STS: variants seen among roughly 807,000 people sequenced by gnomAD.
The protein encoded by STS is steryl-sulfatase.
In STS, 7 loss-of-function variants were observed where a neutral mutation model predicts 26.8. That is an observed-to-expected ratio of 0.26 (90% CI 0.15 to 0.49). The LOEUF is 0.49. Among genes scored for constraint, STS ranks in the 20% least tolerant of loss-of-function variants. STS has a pLI of 0.98. For synonymous variants in STS, 199 were observed against 189.4 expected (o/e 1.05, Z -0.42); for missense variants, 434 against 465.6 (o/e 0.93, Z 0.63).
At chrX:7,275,261 A>T (rs1924473308) in intron 6 of STS, among the ~76,000 whole-genome samples, 1 of 111,695 alleles carries the variant, frequency 9.0e-6, no homozygotes, top group Non-Finnish European at 1.9e-5. Flanking sequence ...ACAATGTATT[A>T]TATATTTCAA....
At chrX:7,269,152 GAA>G (rs796221983) in intron 6 of STS, among the ~76,000 whole-genome samples, 2 of 90,734 alleles carry the variant, frequency 2.2e-5, no homozygotes, top group African/African-American at 4.1e-5. Flanking sequence ...CCCTGTCTCT[GAA>G]AAAAAAAAAG....
intron 1 of STS, among the ~76,000 whole-genome samples, chrX:7,173,728 A>G (rs1473030851): frequency 8.9e-6 from 1 of 112,439 alleles, no homozygotes; most frequent in East Asian, 2.8e-4. Context: ...TCCTGGCCAC[A>G]TTAATGTCTT....
intron 2 of STS, among the ~76,000 whole-genome samples, chrX:7,200,310 A>G (rs1467012142): frequency 1.8e-5 from 2 of 111,628 alleles, no homozygotes; most frequent in Middle Eastern, 4.6e-3. Context: ...TAATTCCTTT[A>G]AGAAAATTTT....
intron 4 of STS, 51 bp downstream of exon 4, chrX:7,257,414 C>T (rs756110481): frequency 5.8e-6 from 7 of 1,212,079 alleles, no homozygotes; most frequent in Non-Finnish European, 7.8e-6. Flanking sequence ...GGGACAGTCT[C>T]CCACCTCGAG....
In STS at chrX:7,214,973, TATATATAC is replaced by T. The variant is rs202063726; in HGVS notation, c.-5+23973_-5+23980del. ...TATACGTATATATATATTATATATG[TATATATAC>T]ATATATATACGTATATATACATATA... On this transcript the variant is annotated intron_variant, in intron 2 of 10. Coordinates refer to ENST00000674429, the MANE Select transcript of STS (RefSeq NM_001320752.2). Among the ~76,000 whole-genome samples the T allele has an allele frequency of 2.4e-3, 153 of 63,948 alleles. 1 individual carries two copies. The highest frequency in any genetic ancestry group is 6.3e-3 in the African/African-American group (112 of 17,867). 55.5% of individuals were successfully genotyped at this position (63,948 alleles called of 115,157 possible).
intron 2 of STS, among the ~76,000 whole-genome samples, chrX:7,197,978 T>G (rs1304356099): frequency 8.9e-6 from 1 of 112,341 alleles, no homozygotes; most frequent in Non-Finnish European, 1.9e-5. Flanking sequence ...AATTATATAT[T>G]TTTGGATTTC....
At chrX:7,303,879 C>G (rs771701128) in intron 7 of STS, among the ~76,000 whole-genome samples, 4 of 111,618 alleles carry the variant, frequency 3.6e-5, no homozygotes, top group Non-Finnish European at 5.6e-5. Context: ...AGTTAAACCT[C>G]CATATGCCCT....
chrX:7,309,013 C>G (rs1569220571), intron 8 of STS, among the ~76,000 whole-genome samples: 2 of 109,121 alleles, frequency 1.8e-5, no homozygotes, highest in African/African-American at 6.7e-5. Context: ...GCTATTTGAA[C>G]TTTTTTTTTT....
chrX:7,241,965 C>T (rs1328976938), intron 2 of STS, among the ~76,000 whole-genome samples: 1 of 111,393 alleles, frequency 9.0e-6, no homozygotes, highest in Non-Finnish European at 1.9e-5. Flanking sequence ...GGACACTTCT[C>T]TCTTTTTCTT....
intron 7 of STS, among the ~76,000 whole-genome samples, chrX:7,295,584 T>TATA (rs1925623790): frequency 9.0e-6 from 1 of 111,018 alleles, no homozygotes; most frequent in Non-Finnish European, 1.9e-5. Flanking sequence ...CATCTTATCT[T>TATA]TTTTATTACT....
chrX:7,279,339 ATGTG>A (rs1199607828), intron 7 of STS, among the ~76,000 whole-genome samples: 9 of 42,323 alleles, frequency 2.1e-4, no homozygotes, highest in Non-Finnish European at 3.3e-4. Flanking sequence ...GTGTGTGTGT[ATGTG>A]TGTGTGTGTG....
intron 8 of STS, among the ~76,000 whole-genome samples, chrX:7,317,060 C>G (rs1280313484): frequency 8.9e-6 from 1 of 112,206 alleles, no homozygotes; most frequent in African/African-American, 3.2e-5. Context: ...ACAGCTGTTT[C>G]TAACAAGAGT....
intron 6 of STS, among the ~76,000 whole-genome samples, chrX:7,261,987 T>C (rs1429052360): frequency 8.9e-6 from 1 of 112,357 alleles, no homozygotes; most frequent in East Asian, 2.8e-4. Flanking sequence ...CTGTGAAATA[T>C]ATAAACTGGT....
chrX:7,210,958 C>T (rs1464275930), intron 2 of STS, among the ~76,000 whole-genome samples: 1 of 110,815 alleles, frequency 9.0e-6, no homozygotes, highest in African/African-American at 3.3e-5. Flanking sequence ...AATGAAGCTA[C>T]TTAGCATGTG....
intron 1 of STS, among the ~76,000 whole-genome samples, chrX:7,152,015 C>T (rs1046111074): frequency 1.8e-5 from 2 of 111,239 alleles, no homozygotes; most frequent in East Asian, 2.8e-4. Flanking sequence ...TACAGTGGCA[C>T]GATCTTGGCT....
At chrX:7,234,104 C>CT (rs1223337106) in intron 2 of STS, among the ~76,000 whole-genome samples, 3 of 111,937 alleles carry the variant, frequency 2.7e-5, no homozygotes, top group Non-Finnish European at 5.6e-5. Context: ...CTGATTTCCC[C>CT]TGTAACATAA....
At chrX:7,240,493 ATGTGTGTGTGTGTGTGTG>A (rs374194610) in intron 2 of STS, among the ~76,000 whole-genome samples, 53 of 72,691 alleles carry the variant, frequency 7.3e-4, no homozygotes, top group South Asian at 4.4e-3. Flanking sequence ...ACAGATATGT[ATGTGTGTGTGTGTGTGTG>A]TGTGTGTGTG....
intron 2 of STS, among the ~76,000 whole-genome samples, chrX:7,227,802 A>G (rs148905761): frequency 9.8e-5 from 11 of 111,797 alleles, no homozygotes; most frequent in Non-Finnish European, 2.1e-4. Context: ...ACAATGTTTG[A>G]CTGCAGGTCT....
intron 8 of STS, among the ~76,000 whole-genome samples, chrX:7,309,041 G>A (rs943433223): frequency 6.3e-5 from 7 of 110,684 alleles, no homozygotes; most frequent in Non-Finnish European, 1.3e-4. Context: ...AGAGAATCTC[G>A]CTCTGCCACC....
Sources: gnomAD v4.1 joint callset for allele counts (sites outside exome capture counted in the v4.1 genomes callset) on GRCh38, gnomAD v4.1.1 for gene constraint, MANE v1.5 for transcripts, NCBI Gene and HGNC (gene_info 2026-07-23, HGNC 2026-07-21) for gene names.